GRM1: variants seen among roughly 807,000 people sequenced by gnomAD.
The protein encoded by GRM1 is glutamate metabotropic receptor 1.
A neutral mutation model predicts 90.9 loss-of-function variants in GRM1; 33 were observed. That is an observed-to-expected ratio of 0.36 (90% CI 0.28 to 0.49). GRM1 has a LOEUF of 0.49. Among genes scored for constraint, GRM1 ranks in the 20% least tolerant of loss-of-function variants. GRM1 has a pLI of 0.99. For synonymous variants in GRM1, 700 were observed against 613.2 expected, an observed-to-expected ratio of 1.14 and a Z score of -2.09; for missense variants, 1,190 against 1,534.3, an observed-to-expected ratio of 0.78 and a Z score of 3.75.
intron 1 of GRM1, among the ~76,000 whole-genome samples, chr6:146,150,591 T>C: frequency 6.6e-6 from 1 of 152,284 alleles, no homozygotes; most frequent in Middle Eastern, 3.4e-3. Flanking sequence ...CCAGTTATTT[T>C]AAAATATACA....
intron 7 of GRM1, among the ~76,000 whole-genome samples, chr6:146,414,472 C>T (rs1777696605): frequency 6.6e-6 from 1 of 151,606 alleles, no homozygotes; most frequent in African/African-American, 2.4e-5. Flanking sequence ...GGCACGATCT[C>T]GGCGCACTGC....
chr6:146,072,544 G>A (rs1159521078), intron 1 of GRM1, among the ~76,000 whole-genome samples: 1 of 152,090 alleles, frequency 6.6e-6, no homozygotes, highest in African/African-American at 2.4e-5. Flanking sequence ...GTCCTGAATA[G>A]AGTACTAATT....
chr6:146,137,762 C>T (rs2128882465), intron 1 of GRM1, among the ~76,000 whole-genome samples: 1 of 152,242 alleles, frequency 6.6e-6, no homozygotes, highest in East Asian at 1.9e-4. Context: ...AACATTTTAA[C>T]AACATTAATT....
At chr6:146,362,904 T>A (rs1027578874) in intron 5 of GRM1, among the ~76,000 whole-genome samples, 2 of 152,088 alleles carry the variant, frequency 1.3e-5, no homozygotes, top group African/African-American at 2.4e-5. Context: ...GGGAACATGA[T>A]CATTCTCATT....
At chr6:146,100,178 G>A (rs181739824) in intron 1 of GRM1, among the ~76,000 whole-genome samples, 2 of 152,154 alleles carry the variant, frequency 1.3e-5, no homozygotes, top group East Asian at 1.9e-4. Context: ...TCACTTTTGC[G>A]AAGCTTTTGT....
intron 2 of GRM1, among the ~76,000 whole-genome samples, chr6:146,254,572 T>C (rs1412324239): frequency 1.3e-5 from 2 of 152,180 alleles, no homozygotes; most frequent in African/African-American, 4.8e-5. Flanking sequence ...TGTATATGCA[T>C]GTTTGTATTT....
intron 1 of GRM1, among the ~76,000 whole-genome samples, chr6:146,030,418 A>T (rs1043270124): frequency 6.6e-6 from 1 of 152,186 alleles, no homozygotes; most frequent in African/African-American, 2.4e-5. Context: ...ACCCCATAGA[A>T]TATCTGAGGA....
At chr6:146,296,135 T>C (rs113893222) in intron 2 of GRM1, among the ~76,000 whole-genome samples, 4 of 152,346 alleles carry the variant, frequency 2.6e-5, no homozygotes, top group African/African-American at 4.8e-5. Context: ...GGCACTTAGA[T>C]TGATTCTGTG....
intron 5 of GRM1, among the ~76,000 whole-genome samples, chr6:146,360,445 A>T (rs532828752): frequency 1.2e-4 from 18 of 152,158 alleles, no homozygotes; most frequent in Non-Finnish European, 2.5e-4. Flanking sequence ...CTCAGGAAAA[A>T]AAGAGCCCAT....
chr6:146,332,435 GT>G (rs1784616048), intron 3 of GRM1, among the ~76,000 whole-genome samples: 1 of 152,138 alleles, frequency 6.6e-6, no homozygotes, highest in Non-Finnish European at 1.5e-5. Context: ...GTTCCTAGAG[GT>G]TGTTCCTGTA....
At chr6:146,191,760 G>A (rs1457557561) in intron 2 of GRM1, among the ~76,000 whole-genome samples, 1 of 151,578 alleles carries the variant, frequency 6.6e-6, no homozygotes. Context: ...ATCTTTGGTT[G>A]GATCTTTTCT....
intron 7 of GRM1, among the ~76,000 whole-genome samples, chr6:146,417,017 C>G (rs1427318980): frequency 6.6e-6 from 1 of 152,140 alleles, no homozygotes; most frequent in Non-Finnish European, 1.5e-5. Context: ...CAAGTTCTAG[C>G]TGCCTTGGAG....
At chr6:146,237,109 T>G (rs1780675579) in intron 2 of GRM1, among the ~76,000 whole-genome samples, 2 of 152,058 alleles carry the variant, frequency 1.3e-5, no homozygotes, top group Non-Finnish European at 2.9e-5. Context: ...TTCCTTAGAT[T>G]TGAGGTTAGT....
rs1412373458 is a variant in GRM1, at chr6:146,414,392, A to G, written c.2660+14693A>G. On this transcript the variant is annotated intron_variant, in intron 7 of 7. Coordinates refer to ENST00000282753, the MANE Select transcript of GRM1 (RefSeq NM_001278064.2). ...CCGTTTGCCTTTTATTATTATTATT[A>G]TTATTATTATTATTTTTGTTGTTGT... Among the ~76,000 whole-genome samples the G allele has an allele frequency of 3.4e-5, 5 of 148,546 alleles. No homozygotes were observed. In the East Asian group the frequency reaches 9.9e-4, roughly 29 times the overall value.
At chr6:146,307,823 G>A (rs1783633032) in intron 3 of GRM1, among the ~76,000 whole-genome samples, 1 of 152,112 alleles carries the variant, frequency 6.6e-6, no homozygotes, top group South Asian at 2.1e-4. Context: ...TAAATAAAGA[G>A]TTTATGTGCA....
At chr6:146,342,976 T>A (rs534473759) in intron 3 of GRM1, among the ~76,000 whole-genome samples, 13 of 152,332 alleles carry the variant, frequency 8.5e-5, no homozygotes, top group Middle Eastern at 6.8e-3. Context: ...TCATCTTTTT[T>A]TTTTCCTTTT....
intron 2 of GRM1, among the ~76,000 whole-genome samples, chr6:146,198,047 G>T (rs1168760622): frequency 6.6e-6 from 1 of 152,140 alleles, no homozygotes. Context: ...ACTTGGGGAG[G>T]TGTTGCATAT....
At chr6:146,037,051 G>A (rs374145236) in intron 1 of GRM1, among the ~76,000 whole-genome samples, 1 of 151,870 alleles carries the variant, frequency 6.6e-6, no homozygotes, top group African/African-American at 2.4e-5. Flanking sequence ...GGGAAATACT[G>A]TATGCATGCA....
At chr6:146,051,757 T>C (rs1380474732) in intron 1 of GRM1, among the ~76,000 whole-genome samples, 2 of 152,054 alleles carry the variant, frequency 1.3e-5, no homozygotes, top group Non-Finnish European at 2.9e-5. Flanking sequence ...GCTATGAACA[T>C]ATGTATAGCA....
Sources: gnomAD v4.1 joint callset for allele counts (sites outside exome capture counted in the v4.1 genomes callset) on GRCh38, gnomAD v4.1.1 for gene constraint, MANE v1.5 for transcripts, NCBI Gene and HGNC (gene_info 2026-07-23, HGNC 2026-07-21) for gene names.